Variants in PCDHGA5 observed in about 807,000 individuals in gnomAD.
PCDHGA5 encodes protocadherin gamma subfamily A, 5.
A neutral mutation model predicts 56.7 loss-of-function variants in PCDHGA5; 36 were observed. That is an observed-to-expected ratio of 0.64 (90% confidence interval 0.49 to 0.84). The LOEUF is 0.84. Among genes scored for constraint, PCDHGA5 ranks in the 40% least tolerant of loss-of-function variants. The pLI, the probability that PCDHGA5 is intolerant of heterozygous loss-of-function variation, is 0.00. For missense variants in PCDHGA5, 1,305 were observed against 1,201.5 expected (o/e 1.09, Z -1.27); for synonymous variants, 563 against 520.2 (o/e 1.08, Z -1.12).
intron 1 of PCDHGA5, chr5:141,400,163 ACC>A (rs2093974471): frequency 6.2e-7 from 1 of 1,613,712 alleles, no homozygotes. Context: ...GTACCCTCTG[ACC>A]CCCAGGCTGA....
At chr5:141,383,570 G>T in intron 1 of PCDHGA5, 2 of 1,613,234 alleles carry the variant, frequency 1.2e-6, no homozygotes, top group Non-Finnish European at 1.7e-6. Context: ...CCCCGATCCA[G>T]CACCGCCCAC....
At position 141,366,522 on chromosome 5, in the gene PCDHGA5, G is replaced by C. The variant is rs1159035033; in HGVS notation, c.2192G>C (p.Arg731Thr). ...CGCCTGCTTCAGGCTGAAGGCAGCA[G>C]GTTGGCGGGTGTGCCCGCCTCGCAC... Reference protein sequence around the residue: ...KSRLLQAEGSRLAGVPASHFV... With the variant: ...KSRLLQAEGSTLAGVPASHFV... Residue 731 changes from arginine to threonine, a missense_variant, in exon 1 of 4, where the codon AGG becomes ACG. Transcript: ENST00000518069. 1.2e-6 allele frequency: 2 copies of C among 1,614,158 alleles called. No homozygotes were observed. Among genetic ancestry groups the C allele is most frequent in the Non-Finnish European group, 1.7e-6 (2 of 1,180,056 alleles).
At chr5:141,413,374 G>A (rs528233301) in intron 1 of PCDHGA5, 1 of 1,613,946 alleles carries the variant, frequency 6.2e-7, no homozygotes, top group East Asian at 2.2e-5. Context: ...GGCGGAGCGC[G>A]GAGTCCGCAT....
intron 1 of PCDHGA5, chr5:141,421,422 C>T (rs908483513): frequency 6.2e-7 from 1 of 1,614,086 alleles, no homozygotes; most frequent in Non-Finnish European, 8.5e-7. Flanking sequence ...AGCGCGGAGT[C>T]CGCATCGTCT....
At position 141,489,180 on chromosome 5, in the gene PCDHGA5, C is replaced by G. The variant is rs942218118; in HGVS notation, c.2422-5627C>G. On this transcript the variant is annotated intron_variant, in intron 1 of 3. Transcript: ENST00000518069. This position sits in a 1 kb window ranked among gnomAD's most constrained non-coding sequence, Gnocchi z 4.5. ...GACTTCAGCTGCTGCATTCCAAGCC[C>G]TGGGTCTACCTTGGAGACAGGACAG... The G allele has an allele frequency of 1.8e-5, 23 of 1,259,630 alleles. No homozygotes were observed. In the South Asian group the frequency reaches 3.0e-4, roughly 17 times the overall value. The allele number at this position is 1,259,630 out of a possible 1,614,324, so 78.0% of individuals were successfully genotyped here.
At chr5:141,465,338 G>C (rs908157154) in intron 1 of PCDHGA5, among the ~76,000 whole-genome samples, 6 of 151,962 alleles carry the variant, frequency 3.9e-5, no homozygotes, top group Admixed American at 2.6e-4. Context: ...TTTTATATTG[G>C]TTACTGAAGA....
In PCDHGA5 at chr5:141,476,141, G is replaced by A. The variant is rs1011341002; in HGVS notation, c.2422-18666G>A. On this transcript the variant is annotated intron_variant, in intron 1 of 3. Coordinates refer to ENST00000518069, the MANE Select transcript of PCDHGA5 (RefSeq NM_018918.3). This position sits in a 1 kb window ranked among gnomAD's most constrained non-coding sequence, Gnocchi z 7.6. ...GATGGTCCCAGAGGCCTGGAGGAGCGGACTGGTAAGCACCGGGAGGGTAGT... is the reference window on the plus strand; with the variant it reads ...GATGGTCCCAGAGGCCTGGAGGAGCAGACTGGTAAGCACCGGGAGGGTAGT... 5.6e-6 allele frequency: 9 copies of A among 1,609,928 alleles called. No homozygotes were observed. Among genetic ancestry groups the A allele is most frequent in the Non-Finnish European group, 7.6e-6 (9 of 1,178,880 alleles).
rs143317584 is a variant in PCDHGA5 at position 141,432,282 on chromosome 5, A to G, written c.2422-62525A>G. 5.0e-5 allele frequency: 81 copies of G among 1,613,850 alleles called. No homozygotes were observed. The African/African-American group carries it at 6.4e-4, about 13-fold the overall frequency. ...AGCCTATCGTCCTACGTGTCCATCAACTCCGACACTGGGGTACTGTATGCG... is the reference window on the plus strand; with the variant it reads ...AGCCTATCGTCCTACGTGTCCATCAGCTCCGACACTGGGGTACTGTATGCG... On this transcript the variant is annotated intron_variant, in intron 1 of 3. Transcript: ENST00000518069. This position sits in a 1 kb window ranked among gnomAD's most constrained non-coding sequence, Gnocchi z 6.0.
intron 1 of PCDHGA5, chr5:141,376,017 C>G: frequency 6.2e-7 from 1 of 1,613,290 alleles, no homozygotes; most frequent in Middle Eastern, 1.7e-4. Flanking sequence ...CTAGTGGTGG[C>G]CGTCCAGGAC....
intron 1 of PCDHGA5, chr5:141,409,290 G>T: frequency 6.2e-7 from 1 of 1,613,974 alleles, no homozygotes; most frequent in Non-Finnish European, 8.5e-7. Flanking sequence ...TCACCTCCAG[G>T]AATGGTTGTT....
chr5:141,394,631 C>T (rs1402672360), intron 1 of PCDHGA5: 3 of 1,613,354 alleles, frequency 1.9e-6, no homozygotes, highest in Admixed American at 1.7e-5. Flanking sequence ...GGCTGTCCTA[C>T]CGCCTGCTCA....
At chr5:141,387,829 G>A (rs2091112194) in intron 1 of PCDHGA5, 1 of 1,591,650 alleles carries the variant, frequency 6.3e-7, no homozygotes, top group African/African-American at 1.3e-5. Flanking sequence ...CAATACAGAG[G>A]TTATTTGTAA....
At position 141,511,456 on chromosome 5, in the gene PCDHGA5, C is replaced by A. The variant is rs900802210; in HGVS notation, c.*283C>A. ...TACTGTAGACACCAAGAACCATTTG[C>A]CACACCCCGTTTAGTTACAGCTGAA... On this transcript the variant is annotated 3_prime_UTR_variant, in exon 4 of 4. Transcript: ENST00000518069. 3.4e-6 allele frequency: 2 copies of A among 585,210 alleles called. No homozygotes were observed. The highest frequency in any genetic ancestry group is 5.7e-6 in the Non-Finnish European group (2 of 351,786). 36.3% of individuals were successfully genotyped at this position (585,210 alleles called of 1,614,324 possible).
chr5:141,399,988 G>C, intron 1 of PCDHGA5: 1 of 1,612,442 alleles, frequency 6.2e-7, no homozygotes, highest in Non-Finnish European at 8.5e-7. Context: ...GCGCACAGGA[G>C]AGGTGCGCAC....
At chr5:141,419,584 C>T in intron 1 of PCDHGA5, 1 of 1,611,798 alleles carries the variant, frequency 6.2e-7, no homozygotes, top group Non-Finnish European at 8.5e-7. Context: ...CCGCGCTCTT[C>T]GACACAGTGC....
intron 1 of PCDHGA5, chr5:141,393,074 G>A (rs775449711): frequency 3.7e-6 from 6 of 1,613,710 alleles, no homozygotes; most frequent in Non-Finnish European, 5.1e-6. Context: ...TGATCACCGC[G>A]GGCAGGATAG....
chr5:141,421,058 A>G, intron 1 of PCDHGA5: 2 of 577,316 alleles, frequency 3.5e-6, no homozygotes, highest in Non-Finnish European at 3.0e-6. Context: ...TCTACCACAC[A>G]AAGCGGAATG....
chr5:141,432,873 T>A lies in PCDHGA5; in HGVS notation c.2422-61934T>A, dbSNP rs753576338. ...GTGGCCGCGGTCTCCTGCGTCTTCCTGGCCTTCGTCATCTTGCTGCTGGCG... is the reference window on the plus strand; with the variant it reads ...GTGGCCGCGGTCTCCTGCGTCTTCCAGGCCTTCGTCATCTTGCTGCTGGCG... On this transcript the variant is annotated intron_variant, in intron 1 of 3. Transcript: ENST00000518069. This position sits in a 1 kb window ranked among gnomAD's most constrained non-coding sequence, Gnocchi z 6.0. 1.4e-5 allele frequency: 22 copies of A among 1,614,204 alleles called. No individual in the cohort carries two copies. The highest frequency in any genetic ancestry group is 3.3e-4 in the Middle Eastern group (2 of 6,062).
At chr5:141,395,557 T>C (rs1405901510) in intron 1 of PCDHGA5, 1 of 136,750 alleles carries the variant, frequency 7.3e-6, no homozygotes, top group East Asian at 1.5e-4. Context: ...TGTGTGTGTG[T>C]GTGTGTGTGT....
Sources: gnomAD v4.1 joint callset for allele counts (sites outside exome capture counted in the v4.1 genomes callset) on GRCh38, gnomAD v4.1.1 for gene constraint, Gnocchi (gnomAD v3.1) non-coding constraint, MANE v1.5 for transcripts, NCBI Gene and HGNC (gene_info 2026-07-23, HGNC 2026-07-21) for gene names.